SCML4: variants seen among roughly 807,000 people sequenced by gnomAD.
SCML4 encodes the protein sex comb on midleg-like protein 4.
Under a neutral mutation model 41.1 loss-of-function variants are expected in SCML4, and 34 were observed. The ratio of observed to expected loss-of-function variants is 0.83; its 90% CI spans 0.63 to 1.10. SCML4 has a LOEUF of 1.10. Ranked by LOEUF, SCML4 falls within the 50% of genes least tolerant of loss-of-function variation. The pLI, the probability that SCML4 is intolerant of heterozygous loss-of-function variation, is 0.00. For missense variants in SCML4, 522 were observed against 534.1 expected, an observed-to-expected ratio of 0.98 and a Z score of 0.22; for synonymous variants, 214 against 220.9, an observed-to-expected ratio of 0.97 and a Z score of 0.28.
intron 6 of SCML4, chr6:107,719,830 A>G (rs1483968146): frequency 1.1e-6 from 1 of 918,714 alleles, no homozygotes; most frequent in African/African-American, 1.8e-5. Flanking sequence ...ATCTCAGCCC[A>G]GGCTGTCTGG....
intron 1 of SCML4, among the ~76,000 whole-genome samples, chr6:107,788,337 A>G (rs1275547305): frequency 1.3e-5 from 2 of 152,170 alleles, no homozygotes; most frequent in African/African-American, 4.8e-5. Context: ...AGGCTGCCAT[A>G]AGGATCCCAT....
intron 1 of SCML4, among the ~76,000 whole-genome samples, chr6:107,814,977 C>T (rs750700267): frequency 2.0e-5 from 3 of 152,184 alleles, no homozygotes; most frequent in Non-Finnish European, 4.4e-5. Flanking sequence ...AGAAGAAATT[C>T]ACTAGCAAGC....
chr6:107,822,633 A>C (rs1785033512), intron 1 of SCML4, among the ~76,000 whole-genome samples: 1 of 152,076 alleles, frequency 6.6e-6, no homozygotes, highest in Admixed American at 6.5e-5. Context: ...CCACAAATGA[A>C]GCAAACTGAT....
In SCML4 at chr6:107,704,888, A is replaced by T. The variant is rs917816006; in HGVS notation, c.*312T>A. On this transcript the variant is annotated 3_prime_UTR_variant, in exon 8 of 8. Coordinates refer to ENST00000369020, the MANE Select transcript of SCML4 (RefSeq NM_198081.5). ...CCCTCCAGAACTCTCCTTGGGCATA[A>T]GCATTCAGTTCCCCACTCTCTCGTT... 11 of 402,588 alleles carry T rather than the reference A, an allele frequency of 2.7e-5. No individual in the cohort carries two copies. Among genetic ancestry groups the T allele is most frequent in the African/African-American group, 1.9e-4 (9 of 48,544 alleles). 24.9% of individuals were successfully genotyped at this position (402,588 alleles called of 1,614,324 possible).
At chr6:107,796,057 A>G (rs1277777821) in intron 1 of SCML4, among the ~76,000 whole-genome samples, 3 of 152,140 alleles carry the variant, frequency 2.0e-5, no homozygotes, top group Non-Finnish European at 4.4e-5. Context: ...ATATGCCACA[A>G]TTTGTTAATT....
At chr6:107,807,260 C>G (rs1014205025) in intron 1 of SCML4, among the ~76,000 whole-genome samples, 2 of 152,162 alleles carry the variant, frequency 1.3e-5, no homozygotes, top group Non-Finnish European at 2.9e-5. Context: ...TTTGCCACCA[C>G]TTTGTTAAAG....
chr6:107,754,136 C>T (rs1260049743), intron 2 of SCML4, among the ~76,000 whole-genome samples: 1 of 152,204 alleles, frequency 6.6e-6, no homozygotes, highest in African/African-American at 2.4e-5. Context: ...ACAGCAAGCA[C>T]ATTGGCTGCA....
At chr6:107,717,028 G>A (rs976591542) in intron 6 of SCML4, among the ~76,000 whole-genome samples, 1 of 151,710 alleles carries the variant, frequency 6.6e-6, no homozygotes, top group Non-Finnish European at 1.5e-5. Flanking sequence ...GGCTGGGCGG[G>A]GTGGCTCACG....
chr6:107,822,508 C>CTTTTTTTTTTTTTTTTTTTTTTTTTTT (rs10677944), intron 1 of SCML4, among the ~76,000 whole-genome samples: 9 of 137,990 alleles, frequency 6.5e-5, no homozygotes, highest in African/African-American at 1.7e-4. Flanking sequence ...TTTTTCTTTT[C>CTTTTTTTTTTTTTTTTTTTTTTTTTTT]TTTTTTTTTT....
At chr6:107,835,723 C>T in the SCML4 span, among the ~76,000 whole-genome samples, 13 of 136,272 alleles carry the variant, frequency 9.5e-5, no homozygotes, top group Non-Finnish European at 1.5e-4. Flanking sequence ...GGGACTGCAC[C>T]GCTGCACTCC....
chr6:107,708,374 G>T (rs1319610345), intron 6 of SCML4, among the ~76,000 whole-genome samples: 1 of 152,084 alleles, frequency 6.6e-6, no homozygotes, highest in Non-Finnish European at 1.5e-5. Context: ...GGCCTCCTGA[G>T]CCTGGGTACT....
At chr6:107,712,347 A>G (rs1774303020) in intron 6 of SCML4, among the ~76,000 whole-genome samples, 1 of 152,200 alleles carries the variant, frequency 6.6e-6, no homozygotes, top group African/African-American at 2.4e-5. Flanking sequence ...TAACAGCATC[A>G]TTCACAGGAA....
chr6:107,824,914 T>C (rs992257179), upstream of SCML4, among the ~76,000 whole-genome samples: 3 of 152,134 alleles, frequency 2.0e-5, no homozygotes, highest in South Asian at 4.1e-4. Context: ...GCACACACCA[T>C]GGTTGTACAT....
At chr6:107,713,893 G>C (rs1314359382) in intron 6 of SCML4, among the ~76,000 whole-genome samples, 3 of 152,170 alleles carry the variant, frequency 2.0e-5, no homozygotes, top group Admixed American at 6.5e-5. Flanking sequence ...ATTAGCCCAC[G>C]ATTATGGCAA....
Position 107,705,322 on chromosome 6 carries a change from T to G in SCML4, c.1123A>C (p.Ile375Leu). ...AGCAACAGCAGAGCGTTGCCATCAA[T>G]CTCCTGGTGGGATAGGATCAGAAGA... ...PHVELFRKHEIDGNALLLLKS... is the reference protein window; with the variant it reads ...PHVELFRKHELDGNALLLLKS... Residue 375 changes from isoleucine (I) to leucine (L), a missense_variant, in exon 8 of 8, where the codon ATT becomes CTT. Transcript: ENST00000369020. 1 of 1,551,792 alleles carries G rather than the reference T, an allele frequency of 6.4e-7. No individual in the cohort carries two copies. The highest frequency in any genetic ancestry group is 2.4e-5 in the East Asian group (1 of 40,916).
At chr6:107,836,203 CT>C in the SCML4 span, among the ~76,000 whole-genome samples, 1 of 152,010 alleles carries the variant, frequency 6.6e-6, no homozygotes, top group African/African-American at 2.4e-5. Context: ...TTCATACATC[CT>C]GTTAAGAAAC....
chr6:107,769,454 G>A (rs1743311495), intron 2 of SCML4, among the ~76,000 whole-genome samples: 1 of 152,204 alleles, frequency 6.6e-6, no homozygotes, highest in African/African-American at 2.4e-5. Context: ...ACCAGAGAGA[G>A]TTCCCACATA....
chr6:107,800,079 G>C (rs901053899), intron 1 of SCML4, among the ~76,000 whole-genome samples: 1 of 151,120 alleles, frequency 6.6e-6, no homozygotes, highest in Non-Finnish European at 1.5e-5. Context: ...TTGAACTCCT[G>C]GGTTCAAGCC....
At chr6:107,728,319 T>C (rs1776196686) in intron 5 of SCML4, among the ~76,000 whole-genome samples, 1 of 152,142 alleles carries the variant, frequency 6.6e-6, no homozygotes, top group African/African-American at 2.4e-5. Flanking sequence ...ATTTCAAAAC[T>C]GTTGACAGCG....
Sources: gnomAD v4.1 joint callset for allele counts (sites outside exome capture counted in the v4.1 genomes callset) on GRCh38, gnomAD v4.1.1 for gene constraint, MANE v1.5 for transcripts, NCBI Gene and HGNC (gene_info 2026-07-23, HGNC 2026-07-21) for gene names.